OTOG: variants seen among roughly 807,000 people sequenced by gnomAD.
OTOG encodes otogelin.
OTOG carries 296 observed loss-of-function variants against 313.8 expected under a neutral mutation model. The ratio of observed to expected loss-of-function variants is 0.94; its 90% CI spans 0.86 to 1.04. The LOEUF (loss-of-function observed/expected upper bound fraction) is 1.04. OTOG is among the 50% of genes least tolerant of loss of function. The probability of loss-of-function intolerance (pLI) is 0.00; values close to 1 mark genes in which losing one functional copy is unlikely to be tolerated. For missense variants in OTOG, 3,948 were observed against 3,840.1 expected (o/e 1.03, Z -0.74); for synonymous variants, 1,533 against 1,554.9 (o/e 0.99, Z 0.33).
intron 39 of OTOG, among the ~76,000 whole-genome samples, chr11:17,626,206 C>T (rs1414311242): frequency 6.6e-6 from 1 of 152,188 alleles, no homozygotes; most frequent in Non-Finnish European, 1.5e-5. Context: ...GACAGAGTCT[C>T]ACTCTGTCGC....
intron 38 of OTOG, among the ~76,000 whole-genome samples, chr11:17,613,384 C>T (rs1565119234): frequency 7.9e-6 from 1 of 127,182 alleles, no homozygotes; most frequent in Non-Finnish European, 1.8e-5. Context: ...CTCCTTCCTT[C>T]CTTCCTTCCT....
Position 17,593,299 on chromosome 11 carries a change from T to C in OTOG, c.3113T>C (p.Ile1038Thr). ...FISINVGNSL[I>T]VFDDDSGNPS... ...TCCATCAACGTTGGGAACTCACTCA[T>C]TGTCTTTGATGATGACTCCGGAAAT... The change falls in exon 26 of 56, where the codon ATT (isoleucine) becomes ACT (threonine). Residue 1038 changes from isoleucine to threonine, a missense_variant. By Grantham distance (89) the Ile-to-Thr change is moderately conservative. Transcript: ENST00000399397. The C allele has an allele frequency of 2.6e-6, 4 of 1,550,638 alleles. No homozygotes were observed. Among genetic ancestry groups the C allele is most frequent in the Non-Finnish European group, 3.5e-6 (4 of 1,146,994 alleles).
chr11:17,566,110 G>A lies in OTOG; in HGVS notation c.1645-3046G>A, dbSNP rs139619163. ...TCTGTGGGGTATTTCCACAGATAATGTGGGTATTATCTGTGTTCCAGCACC... is the reference window on the plus strand; with the variant it reads ...TCTGTGGGGTATTTCCACAGATAATATGGGTATTATCTGTGTTCCAGCACC... On this transcript the variant is annotated intron_variant, in intron 15 of 55. Coordinates refer to ENST00000399397, the MANE Select transcript of OTOG (RefSeq NM_001292063.2). 3.4e-3 allele frequency among the ~76,000 whole-genome samples: 510 copies of A among 152,196 alleles called. 2 individuals carry two copies. Among genetic ancestry groups the A allele is most frequent in the East Asian group, 8.1e-3 (42 of 5,182 alleles).
In OTOG at chr11:17,611,338, G is replaced by A. The variant is rs758497287; in HGVS notation, c.6038G>A (p.Arg2013His). 3.7e-5 allele frequency: 58 copies of A among 1,550,366 alleles called. No individual in the cohort carries two copies. Among genetic ancestry groups the A allele is most frequent in the East Asian group, 9.8e-5 (4 of 40,924 alleles). ...VDEATTEPSGRSAPALSIVEG... is the reference protein window; with the variant it reads ...VDEATTEPSGHSAPALSIVEG... ...GAGGCCACCACAGAACCATCTGGGC[G>A]CTCAGCCCCAGCCCTGAGCATCGTA... The change falls in exon 36 of 56, where the codon CGC becomes CAC. Residue 2013 changes from arginine to histidine, a missense_variant. Transcript: ENST00000399397.
Position 17,547,356 on chromosome 11 carries a change from G to C in OTOG, c.-17G>C. The C allele has an allele frequency of 7.5e-7, 1 of 1,336,844 alleles. No homozygotes were observed. The highest frequency in any genetic ancestry group is 9.5e-7 in the Non-Finnish European group (1 of 1,048,154). 82.8% of individuals were successfully genotyped at this position (1,336,844 alleles called of 1,614,324 possible). On this transcript the variant is annotated 5_prime_UTR_variant, in exon 1 of 56. Transcript: ENST00000399397. ...GGCTGGCCCTGCGCTCAAGTCCTCC[G>C]GTCCCCTCGTGTCCCTATGGGAGTC...
chr11:17,640,827 G>C lies in OTOG; in HGVS notation c.8011+7G>C. On this transcript the variant is annotated splice_region_variant and intron_variant, in intron 50 of 55. Coordinates refer to ENST00000399397, the MANE Select transcript of OTOG (RefSeq NM_001292063.2). ...TGCGCCAAGTACGAGTGTGGTGAGT[G>C]GGGGAAGCCTCGGGGCAGAGCCATG... 1.3e-6 allele frequency: 2 copies of C among 1,550,260 alleles called. No homozygotes were observed. Among genetic ancestry groups the C allele is most frequent in the Non-Finnish European group, 1.7e-6 (2 of 1,147,004 alleles).
chr11:17,547,976 C>A lies in OTOG; in HGVS notation c.144C>A (p.Ala48=). Residue 48 remains alanine (A), a synonymous_variant, in exon 2 of 56, where the codon GCC becomes GCA. Transcript: ENST00000399397. The part of the protein sequence containing the change: ...WGSAEPQPEP[A]GQPSSSHQEA... ...GTGCAGAGCCACAGCCAGAGCCAGCCGGGCAACCCAGGTGAGTAGGTGTGA... is the reference window on the plus strand; with the variant it reads ...GTGCAGAGCCACAGCCAGAGCCAGCAGGGCAACCCAGGTGAGTAGGTGTGA... 1.7e-6 allele frequency: 1 copy of A among 602,018 alleles called. No homozygotes were observed. Among genetic ancestry groups the A allele is most frequent in the South Asian group, 3.4e-5 (1 of 29,044 alleles). The allele number at this position is 602,018 out of a possible 1,614,324, so 37.3% of individuals were successfully genotyped here. A position where few individuals can be genotyped will look rare whatever the true frequency, so the allele number is the denominator to read the frequency against.
chr11:17,592,904 C>T (rs1852984177), intron 25 of OTOG, among the ~76,000 whole-genome samples: 1 of 152,226 alleles, frequency 6.6e-6, no homozygotes. Flanking sequence ...GTATGTGAGA[C>T]AGTGCCTCTT....
At chr11:17,572,751 C>T (rs1226893549) in intron 18 of OTOG, among the ~76,000 whole-genome samples, 1 of 152,242 alleles carries the variant, frequency 6.6e-6, no homozygotes, top group East Asian at 1.9e-4. Context: ...CCTCCTGCCT[C>T]ACCTCATACA....
At position 17,633,766 on chromosome 11, in the gene OTOG, C is replaced by G; in HGVS notation, c.7159C>G (p.Pro2387Ala). 1 of 1,550,520 alleles carries G rather than the reference C, an allele frequency of 6.4e-7. No homozygotes were observed. The highest frequency in any genetic ancestry group is 8.7e-7 in the Non-Finnish European group (1 of 1,146,980). The change falls in exon 43 of 56, where the codon CCT (proline) becomes GCT (alanine). Residue 2387 changes from proline to alanine, a missense_variant. Physicochemically the swap from Pro to Ala is conservative, Grantham distance 27. Transcript: ENST00000399397. ...PKTCQDGILG[P>A]LDPEHCQVLG... ...GACATGCCAGGATGGGATACTAGGGCCTCTGGACCCAGAGCACTGCCAGGT... is the reference window on the plus strand; with the variant it reads ...GACATGCCAGGATGGGATACTAGGGGCTCTGGACCCAGAGCACTGCCAGGT...
At position 17,602,240 on chromosome 11, in the gene OTOG, G is replaced by A. The variant is rs955374063; in HGVS notation, c.3740G>A (p.Ser1247Asn). 61 of 1,550,560 alleles carry A rather than the reference G, an allele frequency of 3.9e-5. No individual in the cohort carries two copies. The highest frequency in any genetic ancestry group is 1.7e-4 in the Middle Eastern group (1 of 5,958). The change falls in exon 32 of 56, where the codon AGC (serine) becomes AAC (asparagine). Residue 1247 changes from serine to asparagine, a missense_variant. Transcript: ENST00000399397. ...VLGKGPYQLS[S>N]LAAGGALVGM... ...GGTAAGGGCCCCTATCAGCTATCCA[G>A]CTTGGCAGCCGGTGGTGCTCTGGTG...
rs1847974826 is a variant in OTOG, at chr11:17,641,748, T to G, written c.8191-99T>G. The G allele has an allele frequency of 1.8e-5, 15 of 830,180 alleles. No homozygotes were observed. In the South Asian group the frequency reaches 2.7e-4, roughly 15 times the overall value. The allele number at this position is 830,180 out of a possible 1,614,324, so 51.4% of individuals were successfully genotyped here. ...CCTCTTCTCGAGCACTTACAGAGGG[T>G]CCTTCCAGGCTCTGGGATCCCTCAC... On this transcript the variant is annotated intron_variant, in intron 51 of 55. Coordinates refer to ENST00000399397, the MANE Select transcript of OTOG (RefSeq NM_001292063.2).
chr11:17,606,239 A>G, intron 33 of OTOG, 104 bp downstream of exon 33: 2 of 1,357,194 alleles, frequency 1.5e-6, no homozygotes, highest in Non-Finnish European at 1.9e-6. Context: ...TAAGAAGCAG[A>G]ATCCTCCTTC....
intron 54 of OTOG, among the ~76,000 whole-genome samples, chr11:17,644,716 C>G (rs1301462917): frequency 6.6e-6 from 1 of 151,864 alleles, no homozygotes; most frequent in Non-Finnish European, 1.5e-5. Context: ...AAAGAACTTA[C>G]AACAAATTCT....
At chr11:17,572,280 A>C in intron 18 of OTOG, 76 bp downstream of exon 18, 2 of 1,521,976 alleles carry the variant, frequency 1.3e-6, no homozygotes, top group South Asian at 2.5e-5. Flanking sequence ...TGAAAAGGGA[A>C]CTCCGGGCAG....
At chr11:17,587,178 T>C (rs1852814722) in intron 24 of OTOG, among the ~76,000 whole-genome samples, 2 of 152,354 alleles carry the variant, frequency 1.3e-5, no homozygotes, top group African/African-American at 4.8e-5. Flanking sequence ...CATTCTTGTG[T>C]ATGAAAGTAC....
At chr11:17,632,614 C>G (rs574183559) in intron 42 of OTOG, among the ~76,000 whole-genome samples, 6 of 152,208 alleles carry the variant, frequency 3.9e-5, no homozygotes, top group African/African-American at 1.4e-4. Flanking sequence ...ACCTGCCCCA[C>G]GGACACCGTC....
At chr11:17,630,338 G>C (rs867923606) in intron 40 of OTOG, among the ~76,000 whole-genome samples, 3 of 152,104 alleles carry the variant, frequency 2.0e-5, no homozygotes, top group African/African-American at 7.2e-5. Context: ...CCAGCAAAGA[G>C]CACTGTGGTC....
chr11:17,624,231 T>G (rs1853929869), intron 39 of OTOG, among the ~76,000 whole-genome samples: 1 of 152,192 alleles, frequency 6.6e-6, no homozygotes, highest in African/African-American at 2.4e-5. Flanking sequence ...CTTTGCCGTT[T>G]CTGTGTCCAG....
Sources: allele counts gnomAD v4.1 joint callset (sites outside exome capture counted in the v4.1 genomes callset), GRCh38; gene constraint gnomAD v4.1.1; transcripts MANE v1.5; gene names NCBI Gene and HGNC (gene_info 2026-07-23, HGNC 2026-07-21).